The following CAST variants were observed in gnomAD, a reference collection of about 807,000 sequenced individuals.
CAST encodes MIR583 host.
A neutral mutation model predicts 119.6 loss-of-function variants in CAST; 76 were observed. The observed-to-expected ratio is 0.64, with a 90% CI of 0.53 to 0.77. CAST has a LOEUF of 0.77. Among genes scored for constraint, CAST ranks in the 30% least tolerant of loss-of-function variants. CAST has a pLI of 0.00. For missense variants in CAST, 953 were observed against 946.5 expected, an observed-to-expected ratio of 1.01 and a Z score of -0.09; for synonymous variants, 319 against 331.6, an observed-to-expected ratio of 0.96 and a Z score of 0.41.
intron 1 of CAST, among the ~76,000 whole-genome samples, chr5:96,588,489 G>A (rs1420137470): frequency 1.3e-5 from 2 of 151,778 alleles, no homozygotes; most frequent in African/African-American, 2.4e-5. Context: ...CATGAGCTAC[G>A]GTACCCGGCT....
the CAST span, among the ~76,000 whole-genome samples, chr5:96,471,775 T>TGC: frequency 0.16 from 20,788 of 133,770 alleles, 1,466 homozygotes; most frequent in African/African-American, 0.17. Flanking sequence ...TGTGTGTGTG[T>TGC]GTGTGTGTGT....
chr5:96,457,989 A>G, the CAST span, among the ~76,000 whole-genome samples: 2 of 152,320 alleles, frequency 1.3e-5, no homozygotes, highest in Admixed American at 6.5e-5. Context: ...ATAAAAGGAA[A>G]TTGTCAGGAT....
At chr5:96,644,450 T>G (rs1279294965) in intron 1 of CAST, among the ~76,000 whole-genome samples, 4 of 152,252 alleles carry the variant, frequency 2.6e-5, no homozygotes, top group Non-Finnish European at 5.9e-5. Flanking sequence ...AAAAATTTAC[T>G]ACAAATATTT....
At chr5:96,420,581 G>A in the CAST span, among the ~76,000 whole-genome samples, 3 of 152,116 alleles carry the variant, frequency 2.0e-5, no homozygotes, top group Non-Finnish European at 4.4e-5. Context: ...CCCCAAGGAA[G>A]AAATAAACAC....
At position 96,736,161 on chromosome 5, in the gene CAST, A is replaced by G. The variant is rs781534321; in HGVS notation, c.631-11A>G. On this transcript the variant is annotated splice_polypyrimidine_tract_variant and intron_variant, in intron 9 of 31. Coordinates refer to ENST00000675179, the MANE Select transcript of CAST (RefSeq NM_001750.7). ...TATGTGAGGAGTTGTTAATTTCTCA[A>G]TTCTCACCAGAAAAAAGAAAAGAAA... 5.0e-6 allele frequency: 8 copies of G among 1,592,514 alleles called. No homozygotes were observed. Among genetic ancestry groups the G allele is most frequent in the South Asian group, 3.3e-5 (3 of 89,982 alleles).
At chr5:96,719,904 G>T (rs1176115117) in intron 3 of CAST, among the ~76,000 whole-genome samples, 1 of 152,062 alleles carries the variant, frequency 6.6e-6, no homozygotes, top group Non-Finnish European at 1.5e-5. Flanking sequence ...TCCAATCACC[G>T]CATGACAGGT....
chr5:96,681,636 G>A (rs892117470), intron 2 of CAST, among the ~76,000 whole-genome samples: 7 of 149,662 alleles, frequency 4.7e-5, no homozygotes, highest in African/African-American at 1.5e-4. Flanking sequence ...GGGAGGCTGA[G>A]GCAGGAGAAT....
the CAST span, among the ~76,000 whole-genome samples, chr5:96,113,549 G>A: frequency 6.6e-6 from 1 of 152,218 alleles, no homozygotes; most frequent in Non-Finnish European, 1.5e-5. Context: ...AAAGTTTTAG[G>A]AACTTAGTGC....
chr5:96,079,140 C>G, the CAST span: 1 of 475,882 alleles, frequency 2.1e-6, no homozygotes. Flanking sequence ...CATCTTACAA[C>G]TCACACATTA....
At chr5:96,111,259 A>C in the CAST span, among the ~76,000 whole-genome samples, 1 of 152,254 alleles carries the variant, frequency 6.6e-6, no homozygotes, top group African/African-American at 2.4e-5. Context: ...GGTTCATAGG[A>C]CAAAGTCCAG....
At chr5:96,659,093 C>A (rs1226534224), upstream of CAST, among the ~76,000 whole-genome samples, 1 of 152,210 alleles carries the variant, frequency 6.6e-6, no homozygotes, top group Non-Finnish European at 1.5e-5. Flanking sequence ...CAATTAAATT[C>A]TCTGTCTTCT....
chr5:96,138,489 C>T, the CAST span, among the ~76,000 whole-genome samples: 4 of 151,916 alleles, frequency 2.6e-5, no homozygotes, highest in Admixed American at 2.6e-4. Context: ...ACTGTAGAGT[C>T]AGTTTTTCAA....
At chr5:96,349,604 T>C in the CAST span, among the ~76,000 whole-genome samples, 1 of 152,188 alleles carries the variant, frequency 6.6e-6, no homozygotes, top group Non-Finnish European at 1.5e-5. Context: ...AATAAGAGGA[T>C]GTTAGCTGCT....
chr5:96,253,891 T>C, the CAST span, among the ~76,000 whole-genome samples: 1 of 152,040 alleles, frequency 6.6e-6, no homozygotes, highest in Non-Finnish European at 1.5e-5. Context: ...CTTTGGTACA[T>C]ACCTTATCAA....
the CAST span, among the ~76,000 whole-genome samples, chr5:96,197,036 G>T: frequency 6.6e-6 from 1 of 152,106 alleles, no homozygotes; most frequent in African/African-American, 2.4e-5. Flanking sequence ...CTTACAAAAT[G>T]ATTCTTGAAC....
At chr5:96,386,391 C>T in the CAST span, among the ~76,000 whole-genome samples, 1 of 152,202 alleles carries the variant, frequency 6.6e-6, no homozygotes, top group South Asian at 2.1e-4. Context: ...TCAGTCTACA[C>T]TGGTGATGAT....
At chr5:96,372,909 C>T in the CAST span, among the ~76,000 whole-genome samples, 1 of 152,078 alleles carries the variant, frequency 6.6e-6, no homozygotes, top group South Asian at 2.1e-4. Context: ...ATACTTAACC[C>T]AATGAAAAAG....
At chr5:96,771,360 C>A (rs944113462) in intron 30 of CAST, among the ~76,000 whole-genome samples, 1 of 152,000 alleles carries the variant, frequency 6.6e-6, no homozygotes, top group African/African-American at 2.4e-5. Flanking sequence ...TGAAACATTG[C>A]CATTTAAGAA....
chr5:95,995,186 A>G, the CAST span, among the ~76,000 whole-genome samples: 3 of 146,126 alleles, frequency 2.1e-5, no homozygotes, highest in African/African-American at 8.4e-5. Flanking sequence ...GATTTTTAAA[A>G]TGAGGCTTAT....
Sources: allele counts gnomAD v4.1 joint callset (sites outside exome capture counted in the v4.1 genomes callset), GRCh38; gene constraint gnomAD v4.1.1; transcripts MANE v1.5; gene names NCBI Gene and HGNC (gene_info 2026-07-23, HGNC 2026-07-21).